TRIM45: variants seen among roughly 807,000 people sequenced by gnomAD.
TRIM45 encodes E3 ubiquitin-protein ligase TRIM45.
Under a neutral mutation model 46.7 loss-of-function variants are expected in TRIM45, and 45 were observed. The ratio of observed to expected loss-of-function variants is 0.96; its 90% CI spans 0.76 to 1.24. TRIM45 has a LOEUF of 1.24. TRIM45 is among the 50% of genes most tolerant of loss of function. The pLI, the probability that TRIM45 is intolerant of heterozygous loss-of-function variation, is 0.00. For missense variants in TRIM45, 680 were observed against 728.4 expected (o/e 0.93, Z 0.77); for synonymous variants, 259 against 285.8 (o/e 0.91, Z 0.94).
Position 117,113,327 on chromosome 1 carries a change from G to GA in TRIM45, c.1594+31dup. Reference sequence around the variant, plus strand: ...CGTCGCTTGATTCCCACTGCTGGCAGAAAGGCCCAGAGGGTAGTGCTTTCT... The same window carrying GA: ...CGTCGCTTGATTCCCACTGCTGGCAGAAAAGGCCCAGAGGGTAGTGCTTTCT... On this transcript the variant is annotated intron_variant, in intron 5 of 5. Transcript: ENST00000256649. The surrounding 1 kb of genome is among the most constrained non-coding windows in gnomAD (Gnocchi z 4.0). The GA allele has an allele frequency of 6.2e-7, 1 of 1,607,384 alleles. No individual in the cohort carries two copies. The highest frequency in any genetic ancestry group is 1.1e-5 in the South Asian group (1 of 90,632).
In TRIM45 at chr1:117,116,193, T is replaced by C. The variant is rs1348481467; in HGVS notation, c.1352+423A>G. Among the ~76,000 whole-genome samples, 1 of 152,076 alleles carries C rather than the reference T, an allele frequency of 6.6e-6. No individual in the cohort carries two copies. The highest frequency in any genetic ancestry group is 2.4e-5 in the African/African-American group (1 of 41,430). On this transcript the variant is annotated intron_variant, in intron 3 of 5. Transcript: ENST00000256649. The surrounding 1 kb of genome is among the most constrained non-coding windows in gnomAD (Gnocchi z 4.6). ...TTTGGTCACGTAACGTTTCATAGTA[T>C]TATGGGGAGGTAAGACGTAACTAGT...
At position 117,121,203 on chromosome 1, in the gene TRIM45, C is replaced by T. The variant is rs781432997; in HGVS notation, c.-2G>A. On this transcript the variant is annotated 5_prime_UTR_variant, in exon 1 of 6. Coordinates refer to ENST00000256649, the MANE Select transcript of TRIM45 (RefSeq NM_025188.4). This position sits in a 1 kb window ranked among gnomAD's most constrained non-coding sequence, Gnocchi z 4.2. ...CAGCGGTTTTCTGTTTTCTGACATA[C>T]TCCTCACGTTTGTGACCAATATTAG... is the stretch of plus-strand genomic sequence containing the variant. The T allele has an allele frequency of 1.3e-5, 20 of 1,540,134 alleles. No homozygotes were observed. The Admixed American group carries it at 3.1e-4, about 24-fold the overall frequency.
At position 117,118,602 on chromosome 1, in the gene TRIM45, C is replaced by T. The variant is rs1650501311; in HGVS notation, c.654G>A (p.Glu218=). Residue 218 remains glutamate (E), a synonymous_variant, in exon 2 of 6, where the codon GAG becomes GAA. Transcript: ENST00000256649. The surrounding 1 kb of genome is among the most constrained non-coding windows in gnomAD (Gnocchi z 5.7). ...RPVCQDCVVG[E]HREHPCDFTS... is the part of the protein sequence containing the mutation. ...TGAAGTCACAGGGGTGTTCCCGATGCTCCCCCACCACACAATCCTGGCACA... is the reference window on the plus strand; with the variant it reads ...TGAAGTCACAGGGGTGTTCCCGATGTTCCCCCACCACACAATCCTGGCACA... The T allele has an allele frequency of 6.2e-7, 1 of 1,614,172 alleles. No individual in the cohort carries two copies. Among genetic ancestry groups the T allele is most frequent in the South Asian group, 1.1e-5 (1 of 91,090 alleles).
chr1:117,114,192 G>A (rs1438855932), intron 4 of TRIM45, among the ~76,000 whole-genome samples: 1 of 152,212 alleles, frequency 6.6e-6, no homozygotes, highest in African/African-American at 2.4e-5. Context: ...AAGACATATG[G>A]AAGGGAGAAA....
Position 117,116,395 on chromosome 1 carries a change from G to A in TRIM45, c.1352+221C>T, listed in dbSNP as rs1389231230. On this transcript the variant is annotated intron_variant, in intron 3 of 5. Transcript: ENST00000256649. This position sits in a 1 kb window ranked among gnomAD's most constrained non-coding sequence, Gnocchi z 4.6. ...ATTATAGGCATATGCCTCCACTCCCGGCTAATTTTTTTTTTTTTAATTTTG... is the reference window on the plus strand; with the variant it reads ...ATTATAGGCATATGCCTCCACTCCCAGCTAATTTTTTTTTTTTTAATTTTG... Among the ~76,000 whole-genome samples, 5 of 151,784 alleles carry A rather than the reference G, an allele frequency of 3.3e-5. No individual in the cohort carries two copies. Among genetic ancestry groups the A allele is most frequent in the South Asian group, 2.1e-4 (1 of 4,810 alleles).
upstream of TRIM45, among the ~76,000 whole-genome samples, chr1:117,123,591 T>C (rs984955720): frequency 1.3e-5 from 2 of 152,096 alleles, no homozygotes; most frequent in Non-Finnish European, 2.9e-5. Context: ...TGATGCCATA[T>C]CTAAGATTAT....
Position 117,115,025 on chromosome 1 carries a change from T to A in TRIM45, c.1467+550A>T, listed in dbSNP as rs936765180. Among the ~76,000 whole-genome samples the A allele has an allele frequency of 2.6e-5, 4 of 152,226 alleles. No individual in the cohort carries two copies. The highest frequency in any genetic ancestry group is 9.6e-5 in the African/African-American group (4 of 41,466). Reference sequence around the variant, plus strand: ...GTGCTCTACTTGTGTTATACTTGTTTGTAGAAACCATGGTAACGTAACTTG... The same window carrying A: ...GTGCTCTACTTGTGTTATACTTGTTAGTAGAAACCATGGTAACGTAACTTG... On this transcript the variant is annotated intron_variant, in intron 4 of 5. Transcript: ENST00000256649. This position sits in a 1 kb window ranked among gnomAD's most constrained non-coding sequence, Gnocchi z 4.2.
At chr1:117,114,087 AGC>A (rs1650315436) in intron 4 of TRIM45, among the ~76,000 whole-genome samples, 1 of 152,178 alleles carries the variant, frequency 6.6e-6, no homozygotes, top group Non-Finnish European at 1.5e-5. Context: ...CCAATTTCTC[AGC>A]CATGTACCTC....
chr1:117,116,762 C>G lies in TRIM45; in HGVS notation c.1223-17G>C, dbSNP rs769162483. 1.2e-6 allele frequency: 2 copies of G among 1,613,916 alleles called. No individual in the cohort carries two copies. Among genetic ancestry groups the G allele is most frequent in the Admixed American group, 1.7e-5 (1 of 60,014 alleles). On this transcript the variant is annotated splice_polypyrimidine_tract_variant and intron_variant, in intron 2 of 5. Transcript: ENST00000256649. This position sits in a 1 kb window ranked among gnomAD's most constrained non-coding sequence, Gnocchi z 4.6. ...TGTGGAGGTCTGAAAAAGATAAACA[C>G]TCGGTCCTCACCTCGAATGTAAACT...
rs530091472 is a variant in TRIM45, at chr1:117,117,659, G to A, written c.1222+375C>T. On this transcript the variant is annotated intron_variant, in intron 2 of 5. Coordinates refer to ENST00000256649, the MANE Select transcript of TRIM45 (RefSeq NM_025188.4). This position sits in a 1 kb window ranked among gnomAD's most constrained non-coding sequence, Gnocchi z 4.9. The stretch of plus-strand genomic sequence containing the variant: ...GAAACTCCCTTCAGAACTTGATCTA[G>A]GAATCCAGGGCCTGCCATGCTCCTC... Among the ~76,000 whole-genome samples the A allele has an allele frequency of 5.9e-5, 9 of 152,286 alleles. No homozygotes were observed. Among genetic ancestry groups the A allele is most frequent in the African/African-American group, 2.2e-4 (9 of 41,560 alleles).
At chr1:117,121,878 GA>G (rs1378553521), upstream of TRIM45, 5 of 714,182 alleles carry the variant, frequency 7.0e-6, no homozygotes, top group East Asian at 2.7e-5. This position sits in a 1 kb window ranked among gnomAD's most constrained non-coding sequence, Gnocchi z 4.2. Flanking sequence ...ATAAGTTTTG[GA>G]AATTCCACAT....
At chr1:117,122,063 C>A (rs1650670377), upstream of TRIM45, 1 of 429,568 alleles carries the variant, frequency 2.3e-6, no homozygotes, top group South Asian at 4.5e-5. Context: ...CCAGAGAGGC[C>A]TCAGGACCTC....
At position 117,113,560 on chromosome 1, in the gene TRIM45, A is replaced by T; in HGVS notation, c.1468-75T>A. ...GATGTGCTGCGCATCACTATGTGCT[A>T]AACAGAGTCTGAGGCACAGGGCCTG... On this transcript the variant is annotated intron_variant, in intron 4 of 5. Transcript: ENST00000256649. This position sits in a 1 kb window ranked among gnomAD's most constrained non-coding sequence, Gnocchi z 4.0. The T allele has an allele frequency of 6.5e-7, 1 of 1,545,882 alleles. No homozygotes were observed. The highest frequency in any genetic ancestry group is 1.2e-5 in the South Asian group (1 of 81,490).
upstream of TRIM45, chr1:117,121,964 G>A (rs970490547): frequency 1.6e-5 from 10 of 623,240 alleles, no homozygotes; most frequent in Non-Finnish European, 2.6e-5. The surrounding 1 kb of genome is among the most constrained non-coding windows in gnomAD (Gnocchi z 4.2). Flanking sequence ...CTTAGAGTGC[G>A]GCGGGAGGAA....
chr1:117,121,539 C>A lies in TRIM45; in HGVS notation c.-338G>T. ...AAGTCACCCCTGCACCTCTCGCTCC[C>A]TCCACTGCCACCCCCCTCCCGCCGC... On this transcript the variant is annotated 5_prime_UTR_variant, in exon 1 of 6. It adds an upstream start codon to the 5' untranslated region. Coordinates refer to ENST00000256649, the MANE Select transcript of TRIM45 (RefSeq NM_025188.4). The surrounding 1 kb of genome is among the most constrained non-coding windows in gnomAD (Gnocchi z 4.2). 1.9e-6 allele frequency: 1 copy of A among 534,798 alleles called. No homozygotes were observed. Among genetic ancestry groups the A allele is most frequent in the Non-Finnish European group, 3.3e-6 (1 of 304,660 alleles). 33.1% of individuals were successfully genotyped at this position (534,798 alleles called of 1,614,324 possible).
chr1:117,121,030 GCT>G lies in TRIM45; in HGVS notation c.170_171del (p.Glu57AlafsTer13). ...CCTCGGATGTCCACTACTGAGAAGG[GCT>G]CCAGCTGCTCCAGACACGTGGTGCA... Reference protein sequence around the residue: ...TVCTTCLEQLEPFSVVDIRGG... With the variant: ...TVCTTCLEQLXPFSVVDIRGG... On this transcript the variant is annotated frameshift_variant, in exon 1 of 6. Transcript: ENST00000256649. LOFTEE classifies it high-confidence loss of function. This position sits in a 1 kb window ranked among gnomAD's most constrained non-coding sequence, Gnocchi z 4.2. The G allele has an allele frequency of 6.2e-7, 1 of 1,614,172 alleles. No homozygotes were observed. Among genetic ancestry groups the G allele is most frequent in the Non-Finnish European group, 8.5e-7 (1 of 1,180,036 alleles).
chr1:117,121,740 G>C lies in TRIM45; in HGVS notation c.-539C>G. On this transcript the variant is annotated 5_prime_UTR_variant, in exon 1 of 6. Transcript: ENST00000256649. The surrounding 1 kb of genome is among the most constrained non-coding windows in gnomAD (Gnocchi z 4.2). ...CCGCGCCTCGGCCCGGGACGCCCGC[G>C]GGCTCTGGCCCCTCCTCACACCAAT... 1.6e-6 allele frequency: 1 copy of C among 621,746 alleles called. No individual in the cohort carries two copies. Among genetic ancestry groups the C allele is most frequent in the Non-Finnish European group, 2.9e-6 (1 of 339,010 alleles). The allele number at this position is 621,746 out of a possible 1,614,324, so 38.5% of individuals were successfully genotyped here.
At position 117,118,756 on chromosome 1, in the gene TRIM45, T is replaced by C. The variant is rs142591028; in HGVS notation, c.500A>G (p.Lys167Arg). Residue 167 changes from lysine (K) to arginine (R), a missense_variant, in exon 2 of 6, where the codon AAA (lysine) becomes AGA (arginine). Lys to Arg is a conservative substitution (Grantham distance 26). This residue lies in a region of TRIM45 where 349 missense variants were observed against 343.6 expected (regional missense o/e 1.02). Transcript: ENST00000256649. This position sits in a 1 kb window ranked among gnomAD's most constrained non-coding sequence, Gnocchi z 5.7. ...GTCCACCATGGTGTGGTAAGTCGTT[T>C]TCTTCTGCCGCCTAGGGGCAAACAG... ...FCCQAHRRQK[K>R]TTYHTMVDLK... 4.3e-4 allele frequency: 701 copies of C among 1,611,860 alleles called. No homozygotes were observed. The highest frequency in any genetic ancestry group is 5.1e-4 in the Non-Finnish European group (606 of 1,178,980).
intron 1 of TRIM45, among the ~76,000 whole-genome samples, chr1:117,120,367 C>T (rs1017219588): frequency 2.0e-5 from 3 of 152,092 alleles, no homozygotes; most frequent in Non-Finnish European, 2.9e-5. Flanking sequence ...GTTGCAAGAT[C>T]GAAGGAGATC....
Sources: gnomAD v4.1 joint callset for allele counts (sites outside exome capture counted in the v4.1 genomes callset) on GRCh38, gnomAD v4.1.1 for gene constraint, gnomAD v4.1.1 regional missense constraint, Gnocchi (gnomAD v3.1) non-coding constraint, MANE v1.5 for transcripts, NCBI Gene and HGNC (gene_info 2026-07-23, HGNC 2026-07-21) for gene names.